Variants in CUEDC1 observed in about 807,000 individuals in gnomAD.
CUEDC1 encodes CUE domain-containing protein 1.
In CUEDC1, 30 loss-of-function variants were observed where a neutral mutation model predicts 43.7. That is an observed-to-expected ratio of 0.69 (90% CI 0.51 to 0.93). The LOEUF (loss-of-function observed/expected upper bound fraction) is 0.93, where lower values mean the gene tolerates loss of function less well. CUEDC1 is among the 40% of genes least tolerant of loss of function. CUEDC1 has a pLI of 0.00. For synonymous variants in CUEDC1, 223 were observed against 223.6 expected, an observed-to-expected ratio of 1.00 and a Z score of 0.02; for missense variants, 486 against 549.0, an observed-to-expected ratio of 0.89 and a Z score of 1.15.
At chr17:57,865,286 T>C (rs933045422) in intron 10 of CUEDC1, among the ~76,000 whole-genome samples, 15 of 152,180 alleles carry the variant, frequency 9.9e-5, no homozygotes, top group Middle Eastern at 3.4e-3. Flanking sequence ...CTGAGGGGAA[T>C]AGAAGGGGCT....
intron 1 of CUEDC1, among the ~76,000 whole-genome samples, chr17:57,926,756 C>T (rs550941558): frequency 3.3e-5 from 5 of 152,304 alleles, no homozygotes; most frequent in African/African-American, 7.2e-5. Flanking sequence ...GGACAATATG[C>T]AAATTAGAGG....
chr17:57,873,461 C>A, intron 4 of CUEDC1, 130 bp downstream of exon 4: 2 of 1,115,106 alleles, frequency 1.8e-6, no homozygotes, highest in Non-Finnish European at 2.5e-6. Flanking sequence ...CCCTACGAAC[C>A]CAGGGCAACA....
At chr17:57,875,309 G>A (rs1415625020) in intron 3 of CUEDC1, among the ~76,000 whole-genome samples, 2 of 152,164 alleles carry the variant, frequency 1.3e-5, no homozygotes, top group Non-Finnish European at 2.9e-5. Context: ...GCAGTGGAGG[G>A]AGAACCTCAG....
intron 10 of CUEDC1, 75 bp from the exon 11 acceptor site, chr17:57,863,360 G>A (rs1344718579): frequency 6.6e-6 from 1 of 152,274 alleles, no homozygotes; most frequent in East Asian, 1.9e-4. Flanking sequence ...ACTGGTTCCT[G>A]GAGAGACAGT....
At chr17:57,939,838 G>A (rs1011399438) in intron 1 of CUEDC1, among the ~76,000 whole-genome samples, 1 of 152,094 alleles carries the variant, frequency 6.6e-6, no homozygotes, top group Admixed American at 6.5e-5. Flanking sequence ...GGAGCTGAGG[G>A]GCCATACCAC....
At position 57,873,692 on chromosome 17, in the gene CUEDC1, G is replaced by C; in HGVS notation, c.490C>G (p.Pro164Ala). 1 of 1,596,022 alleles carries C rather than the reference G, an allele frequency of 6.3e-7. No individual in the cohort carries two copies. The highest frequency in any genetic ancestry group is 8.5e-7 in the Non-Finnish European group (1 of 1,170,870). The change falls in exon 4 of 11, where the codon CCT (proline) becomes GCT (alanine). Residue 164 changes from proline (P) to alanine (A), a missense_variant. Transcript: ENST00000577830. ...PRIDALGSGAPTSQRRYRNWN... is the reference protein window; with the variant it reads ...PRIDALGSGAATSQRRYRNWN... ...TTCCGATAGCGTCTCTGGCTTGTAG[G>C]GGCTCCAGAGCCCAGCGCGTCGATA...
chr17:57,906,696 T>G (rs2074532631), intron 1 of CUEDC1, among the ~76,000 whole-genome samples: 3 of 152,136 alleles, frequency 2.0e-5, no homozygotes, highest in Admixed American at 1.3e-4. Context: ...TCAGGCCAGG[T>G]GCGGTGGCTC....
chr17:57,867,267 G>T (rs946281429), intron 9 of CUEDC1, 90 bp downstream of exon 9: 61 of 1,211,650 alleles, frequency 5.0e-5, no homozygotes, highest in Non-Finnish European at 6.4e-5. Context: ...CAGGGGACAG[G>T]GCGGGTGCTC....
At position 57,930,757 on chromosome 17, in the gene CUEDC1, G is replaced by A. The variant is rs2074796089; in HGVS notation, c.-316+24468C>T. Reference sequence around the variant, plus strand: ...CTGGAAGCCTGGGAGGAAGGGATGTGCTGTGGCCAACACAGGAGGGCAGAA... The same window carrying A: ...CTGGAAGCCTGGGAGGAAGGGATGTACTGTGGCCAACACAGGAGGGCAGAA... On this transcript the variant is annotated intron_variant, in intron 1 of 10. Transcript: ENST00000577830. The surrounding 1 kb of genome is among the most constrained non-coding windows in gnomAD (Gnocchi z 4.2). 6.6e-6 allele frequency among the ~76,000 whole-genome samples: 1 copy of A among 152,170 alleles called. No homozygotes were observed. Among genetic ancestry groups the A allele is most frequent in the African/African-American group, 2.4e-5 (1 of 41,446 alleles).
Position 57,949,009 on chromosome 17 carries a change from A to G in CUEDC1, c.-316+6216T>C, listed in dbSNP as rs373881863. Among the ~76,000 whole-genome samples the G allele has an allele frequency of 6.6e-5, 10 of 152,234 alleles. No individual in the cohort carries two copies. In the East Asian group the frequency reaches 1.9e-3, roughly 29 times the overall value. On this transcript the variant is annotated intron_variant, in intron 1 of 10. Coordinates refer to ENST00000577830, the MANE Select transcript of CUEDC1 (RefSeq NM_001271875.2). ...TGCCCAGTTCCTGCCTCACCCTGGC[A>G]AGGGTGCTACAGAATCCAGAAAACC...
intron 4 of CUEDC1, 151 bp downstream of exon 4, chr17:57,873,440 C>T: frequency 1.1e-6 from 1 of 904,858 alleles, no homozygotes; most frequent in Non-Finnish European, 1.6e-6. Context: ...GCTTTCAGTT[C>T]AGCATTCCTG....
Position 57,885,390 on chromosome 17 carries a change from G to C in CUEDC1, c.175C>G (p.Pro59Ala). The C allele has an allele frequency of 6.2e-7, 1 of 1,611,496 alleles. No individual in the cohort carries two copies. The highest frequency in any genetic ancestry group is 2.2e-5 in the East Asian group (1 of 44,840). The change falls in exon 2 of 11, where the codon CCC becomes GCC. Residue 59 changes from proline (P) to alanine (A), a missense_variant. Coordinates refer to ENST00000577830, the MANE Select transcript of CUEDC1 (RefSeq NM_001271875.2). Reference protein sequence around the residue: ...QAMDDFKTMFPNMDYDIIECV... With the variant: ...QAMDDFKTMFANMDYDIIECV... ...TCGATGATGTCGTAATCCATGTTGGGGAACATGGTCTTGAAGTCGTCCATG... is the reference window on the plus strand; with the variant it reads ...TCGATGATGTCGTAATCCATGTTGGCGAACATGGTCTTGAAGTCGTCCATG...
At chr17:57,882,353 C>T (rs1431659549) in intron 2 of CUEDC1, among the ~76,000 whole-genome samples, 2 of 151,922 alleles carry the variant, frequency 1.3e-5, no homozygotes, top group Non-Finnish European at 2.9e-5. Context: ...GGAGGGGGCT[C>T]AATTTGGAGA....
chr17:57,865,050 C>G (rs927494251), intron 10 of CUEDC1, among the ~76,000 whole-genome samples: 2 of 150,564 alleles, frequency 1.3e-5, no homozygotes, highest in African/African-American at 4.9e-5. Flanking sequence ...GAGCGAGACT[C>G]TGTCTCAAAA....
chr17:57,905,427 A>G (rs1431992606), intron 1 of CUEDC1, among the ~76,000 whole-genome samples: 1 of 152,218 alleles, frequency 6.6e-6, no homozygotes, highest in Non-Finnish European at 1.5e-5. Flanking sequence ...CTCACAGCTC[A>G]GCTCAGTTTA....
At chr17:57,906,769 C>T (rs758069057) in intron 1 of CUEDC1, among the ~76,000 whole-genome samples, 4 of 151,780 alleles carry the variant, frequency 2.6e-5, no homozygotes, top group Admixed American at 6.6e-5. Context: ...TAGGGAGTTC[C>T]GAGACCAGCC....
intron 1 of CUEDC1, among the ~76,000 whole-genome samples, chr17:57,937,537 G>A (rs572518507): frequency 2.0e-5 from 3 of 151,710 alleles, no homozygotes; most frequent in South Asian, 4.2e-4. Flanking sequence ...TTGAACCTGG[G>A]AGGTCTAGGT....
intron 8 of CUEDC1, 68 bp from the exon 9 acceptor site, chr17:57,867,483 T>G: frequency 7.2e-7 from 1 of 1,395,862 alleles, no homozygotes; most frequent in South Asian, 1.2e-5. Context: ...CCAGTCCCAC[T>G]GACTCTCTGC....
intron 1 of CUEDC1, among the ~76,000 whole-genome samples, chr17:57,939,806 G>A (rs2074899738): frequency 6.6e-6 from 1 of 152,154 alleles, no homozygotes; most frequent in South Asian, 2.1e-4. Context: ...AAGGGTTACT[G>A]GAAAGTGGAC....
Sources: gnomAD v4.1 joint callset for allele counts (sites outside exome capture counted in the v4.1 genomes callset) on GRCh38, gnomAD v4.1.1 for gene constraint, Gnocchi (gnomAD v3.1) non-coding constraint, MANE v1.5 for transcripts, NCBI Gene and HGNC (gene_info 2026-07-23, HGNC 2026-07-21) for gene names.